DOK5: variants seen among roughly 807,000 people sequenced by gnomAD.
The protein encoded by DOK5 is downstream of tyrosine kinase 5.
DOK5 carries 27 observed loss-of-function variants against 43.3 expected under a neutral mutation model. That is an observed-to-expected ratio of 0.62 (90% CI 0.46 to 0.86). The LOEUF (loss-of-function observed/expected upper bound fraction) is 0.86. DOK5 is among the 40% of genes least tolerant of loss of function. The pLI, the probability that DOK5 is intolerant of heterozygous loss-of-function variation, is 0.00. For missense variants in DOK5, 373 were observed against 392.9 expected, an observed-to-expected ratio of 0.95 and a Z score of 0.43; for synonymous variants, 146 against 140.1, an observed-to-expected ratio of 1.04 and a Z score of -0.30.
At chr20:54,490,760 T>C (rs1982139295) in intron 1 of DOK5, among the ~76,000 whole-genome samples, 1 of 152,176 alleles carries the variant, frequency 6.6e-6, no homozygotes, top group Non-Finnish European at 1.5e-5. Flanking sequence ...CAGCTAATTT[T>C]TGTATTTTTA....
intron 5 of DOK5, among the ~76,000 whole-genome samples, chr20:54,600,183 C>T (rs1986262037): frequency 6.6e-6 from 1 of 152,064 alleles, no homozygotes; most frequent in Non-Finnish European, 1.5e-5. Context: ...TGTGTCTGAG[C>T]AGAATCAATG....
chr20:54,641,250 G>A (rs1297175506), intron 6 of DOK5, among the ~76,000 whole-genome samples: 4 of 152,042 alleles, frequency 2.6e-5, no homozygotes, highest in African/African-American at 9.7e-5. Context: ...TGGTAATTGT[G>A]GAATTATGAT....
chr20:54,485,475 T>G (rs994687798), intron 1 of DOK5, among the ~76,000 whole-genome samples: 16 of 152,118 alleles, frequency 1.1e-4, no homozygotes, highest in Non-Finnish European at 1.5e-5. Context: ...TGTGTATAAG[T>G]TTGTTCTTTT....
rs138257674 is a variant in DOK5 at position 54,614,801 on chromosome 20, G to T, written c.735+4278G>T. 1.2e-3 allele frequency among the ~76,000 whole-genome samples: 176 copies of T among 152,256 alleles called. No homozygotes were observed. In the Middle Eastern group the frequency reaches 0.017, roughly 15 times the overall value. ...TCTGAATCTTAAGGAGTTAAACGAG[G>T]GATTGTGAAAAGCTTAAAATCAATG... is the stretch of plus-strand genomic sequence containing the variant. On this transcript the variant is annotated intron_variant, in intron 6 of 7. Coordinates refer to ENST00000262593, the MANE Select transcript of DOK5 (RefSeq NM_018431.5).
At chr20:54,612,798 A>G (rs550159896) in intron 6 of DOK5, among the ~76,000 whole-genome samples, 18 of 152,356 alleles carry the variant, frequency 1.2e-4, no homozygotes, top group African/African-American at 2.2e-4. Flanking sequence ...TTTCAGTGCC[A>G]TCATACAGTG....
intron 6 of DOK5, among the ~76,000 whole-genome samples, chr20:54,638,369 A>T (rs1355223281): frequency 1.3e-5 from 2 of 152,144 alleles, no homozygotes; most frequent in African/African-American, 4.8e-5. Flanking sequence ...GCTTAGGAGC[A>T]GATGTGCAAT....
intron 2 of DOK5, among the ~76,000 whole-genome samples, chr20:54,569,858 C>T (rs1985227167): frequency 6.6e-6 from 1 of 152,170 alleles, no homozygotes; most frequent in Admixed American, 6.5e-5. Context: ...TTTAAGTGAC[C>T]TAGGGCATGT....
chr20:54,555,133 G>A (rs1984666561), intron 2 of DOK5, 93 bp downstream of exon 2: 29 of 800,276 alleles, frequency 3.6e-5, no homozygotes, highest in Non-Finnish European at 6.0e-5. Flanking sequence ...ATTTAACAAA[G>A]GTACAAGCAA....
chr20:54,640,007 C>T (rs1979028570), intron 6 of DOK5, among the ~76,000 whole-genome samples: 1 of 152,128 alleles, frequency 6.6e-6, no homozygotes, highest in Non-Finnish European at 1.5e-5. Flanking sequence ...CCAAATGGGA[C>T]CCAGCCTGGA....
At chr20:54,477,862 T>G (rs1158355270) in intron 1 of DOK5, among the ~76,000 whole-genome samples, 1 of 152,244 alleles carries the variant, frequency 6.6e-6, no homozygotes, top group Non-Finnish European at 1.5e-5. Context: ...ACCATCACTT[T>G]CTTGTTTGTG....
At chr20:54,493,274 G>T (rs1982263800) in intron 1 of DOK5, among the ~76,000 whole-genome samples, 1 of 151,986 alleles carries the variant, frequency 6.6e-6, no homozygotes, top group Non-Finnish European at 1.5e-5. Context: ...AGCCTGCTGC[G>T]TTCACTCGCT....
chr20:54,510,834 GC>G (rs1395762217), intron 1 of DOK5, among the ~76,000 whole-genome samples: 1 of 152,098 alleles, frequency 6.6e-6, no homozygotes, highest in Non-Finnish European at 1.5e-5. Flanking sequence ...TTTCACTCCT[GC>G]GCCTCTGGAG....
At chr20:54,554,425 C>G (rs139697572) in intron 1 of DOK5, among the ~76,000 whole-genome samples, 2 of 152,110 alleles carry the variant, frequency 1.3e-5, no homozygotes, top group African/African-American at 4.8e-5. Context: ...AAGCAAGAAT[C>G]TGGTTGGTGT....
chr20:54,479,627 T>G (rs113179958), intron 1 of DOK5, among the ~76,000 whole-genome samples: 1,964 of 152,304 alleles, frequency 0.013, 50 homozygotes, highest in African/African-American at 0.045. Context: ...AACTCGGGTT[T>G]ATTTATCTAC....
intron 1 of DOK5, among the ~76,000 whole-genome samples, chr20:54,479,115 A>T (rs557855151): frequency 2.9e-4 from 44 of 152,298 alleles, no homozygotes; most frequent in African/African-American, 9.6e-4. Context: ...CATTCTAAAA[A>T]CATTCCCATT....
chr20:54,513,494 C>G (rs1409015588), intron 1 of DOK5, among the ~76,000 whole-genome samples: 4 of 122,038 alleles, frequency 3.3e-5, no homozygotes, highest in Non-Finnish European at 6.7e-5. Context: ...AAAAACCCAA[C>G]ATCCATTTGT....
intron 1 of DOK5, among the ~76,000 whole-genome samples, chr20:54,546,618 TA>T (rs1380968264): frequency 2.0e-5 from 3 of 150,946 alleles, no homozygotes; most frequent in African/African-American, 7.3e-5. Flanking sequence ...CTCATTGATA[TA>T]TATCTTTAGA....
rs151122435 is a variant in DOK5 at position 54,543,975 on chromosome 20, A to G, written c.67-10958A>G. On this transcript the variant is annotated intron_variant, in intron 1 of 7. Coordinates refer to ENST00000262593, the MANE Select transcript of DOK5 (RefSeq NM_018431.5). ...TCAAAGGGAAGTTCCTGGAAGCAGT[A>G]TTTCTGGGTCAAAGTGTAGATATAA... Among the ~76,000 whole-genome samples the G allele has an allele frequency of 2.8e-3, 427 of 152,270 alleles. 1 individual carries two copies. Among genetic ancestry groups the G allele is most frequent in the Non-Finnish European group, 5.0e-3 (339 of 68,016 alleles).
In DOK5 at chr20:54,480,239, T is replaced by C. The variant is rs185583911; in HGVS notation, c.66+4227T>C. 2.7e-4 allele frequency among the ~76,000 whole-genome samples: 41 copies of C among 152,232 alleles called. No individual in the cohort carries two copies. In the East Asian group the frequency reaches 7.7e-3, roughly 29 times the overall value. On this transcript the variant is annotated intron_variant, in intron 1 of 7. Transcript: ENST00000262593. ...CCTACTGGGCTACATTCCCAGACAG[T>C]TAAGGCATTCTAAGTCACAGGATGA...
Sources: gnomAD v4.1 joint callset for allele counts (sites outside exome capture counted in the v4.1 genomes callset) on GRCh38, gnomAD v4.1.1 for gene constraint, MANE v1.5 for transcripts, NCBI Gene and HGNC (gene_info 2026-07-23, HGNC 2026-07-21) for gene names.